The following BTBD2 variants were observed in gnomAD, a reference collection of about 807,000 sequenced individuals.
The protein encoded by BTBD2 is BTB domain containing 2.
Under a neutral mutation model 44.0 loss-of-function variants are expected in BTBD2, and 15 were observed. The observed-to-expected ratio is 0.34, with a 90% CI of 0.23 to 0.53. The LOEUF (loss-of-function observed/expected upper bound fraction) is 0.53. Ranked by LOEUF, BTBD2 falls within the 20% of genes least tolerant of loss-of-function variation. The pLI, the probability that BTBD2 is intolerant of heterozygous loss-of-function variation, is 0.95. For missense variants in BTBD2, 657 were observed against 746.4 expected, an observed-to-expected ratio of 0.88 and a Z score of 1.39; for synonymous variants, 443 against 335.9, an observed-to-expected ratio of 1.32 and a Z score of -3.49.
chr19:1,987,390 G>T (rs1354008651), intron 6 of BTBD2, 110 bp downstream of exon 6: 6 of 1,193,068 alleles, frequency 5.0e-6, no homozygotes, highest in Non-Finnish European at 5.4e-6. Flanking sequence ...CCCCCCCGCC[G>T]TCTTCATCAT....
At chr19:1,988,026 G>A in intron 5 of BTBD2, 1 of 283,370 alleles carries the variant, frequency 3.5e-6, no homozygotes, top group Non-Finnish European at 6.7e-6. Flanking sequence ...TGGGGGCGGG[G>A]GGCTCCACTG....
intron 1 of BTBD2, among the ~76,000 whole-genome samples, chr19:2,009,511 T>C (rs62129529): frequency 0.47 from 71,336 of 150,976 alleles, 18,027 homozygotes; most frequent in East Asian, 0.7. Flanking sequence ...TTGTTCTACT[T>C]CTAGACCTCG....
At chr19:2,001,754 T>C (rs2016333130) in intron 1 of BTBD2, among the ~76,000 whole-genome samples, 1 of 152,236 alleles carries the variant, frequency 6.6e-6, no homozygotes, top group Non-Finnish European at 1.5e-5. Context: ...TTTTTGTGTT[T>C]TGAGACGGAG....
chr19:1,987,378 G>A (rs533473022), intron 6 of BTBD2, 122 bp downstream of exon 6: 23 of 1,338,434 alleles, frequency 1.7e-5, no homozygotes, highest in South Asian at 8.3e-5. Context: ...CATGCCCGGC[G>A]GCCCCCCCGC....
At chr19:2,012,625 C>T (rs1308620520) in intron 1 of BTBD2, among the ~76,000 whole-genome samples, 3 of 152,162 alleles carry the variant, frequency 2.0e-5, no homozygotes. Flanking sequence ...GGGGTCCACG[C>T]CCCTAACCCC....
rs757225193 is a variant in BTBD2 at position 1,990,054 on chromosome 19, G to A, written c.938C>T (p.Ala313Val). The change falls in exon 5 of 9, where the codon GCC (alanine) becomes GTC (valine). Residue 313 changes from alanine (A) to valine (V), a missense_variant. Ala to Val is a moderately conservative substitution (Grantham distance 64). Coordinates refer to ENST00000255608, the MANE Select transcript of BTBD2 (RefSeq NM_017797.4). ...PENRRKVLGK[A>V]LGLIRFPLMT... Reference sequence around the variant, plus strand: ...GAGCGGGAAGCGAATGAGGCCCAGGGCCTTGCCCAGAACCTTCCGCCTGTT... The same window carrying A: ...GAGCGGGAAGCGAATGAGGCCCAGGACCTTGCCCAGAACCTTCCGCCTGTT... 9.9e-6 allele frequency: 16 copies of A among 1,613,330 alleles called. No homozygotes were observed. Among genetic ancestry groups the A allele is most frequent in the Middle Eastern group, 3.3e-4 (2 of 6,062 alleles).
At chr19:1,990,225 C>T (rs764872740) in intron 4 of BTBD2, 24 bp from the exon 5 acceptor site, 51 of 1,568,748 alleles carry the variant, frequency 3.3e-5, no homozygotes, top group African/African-American at 1.4e-4. Context: ...GAAGGGGCTG[C>T]GTGAACACGA....
intron 1 of BTBD2, 54 bp downstream of exon 1, chr19:2,015,243 C>A: frequency 2.2e-6 from 3 of 1,342,192 alleles, no homozygotes; most frequent in Non-Finnish European, 2.9e-6. Context: ...GTGCAGGGCC[C>A]GGGCAGCAGG....
chr19:1,991,475 G>A (rs1439615347), intron 3 of BTBD2, among the ~76,000 whole-genome samples: 2 of 152,214 alleles, frequency 1.3e-5, no homozygotes, highest in Non-Finnish European at 1.5e-5. Context: ...CAGGGAGGCT[G>A]AGGCAGCCAC....
chr19:2,009,807 GCCA>G, intron 1 of BTBD2, among the ~76,000 whole-genome samples: 1 of 152,050 alleles, frequency 6.6e-6, no homozygotes, highest in East Asian at 1.9e-4. Context: ...CGGAGATCAC[GCCA>G]CTGTACCCCA....
At chr19:2,004,852 T>C (rs2016374971) in intron 1 of BTBD2, among the ~76,000 whole-genome samples, 1 of 151,812 alleles carries the variant, frequency 6.6e-6, no homozygotes, top group South Asian at 2.1e-4. Flanking sequence ...GATGGAGTCT[T>C]GCTCTGTCAC....
intron 2 of BTBD2, among the ~76,000 whole-genome samples, chr19:1,994,669 G>C (rs1351068330): frequency 6.6e-6 from 1 of 151,950 alleles, no homozygotes; most frequent in Non-Finnish European, 1.5e-5. Context: ...TGATGCAGGA[G>C]AATCACTTGA....
At chr19:2,009,194 G>GTTTTTCTTTT (rs1213549687) in intron 1 of BTBD2, among the ~76,000 whole-genome samples, 1 of 106,682 alleles carries the variant, frequency 9.4e-6, no homozygotes, top group Non-Finnish European at 1.8e-5. Context: ...AATTTTTGTG[G>GTTTTTCTTTT]TTTTTCTTTT....
At chr19:1,992,752 A>G (rs1309671671) in intron 3 of BTBD2, among the ~76,000 whole-genome samples, 2 of 151,418 alleles carry the variant, frequency 1.3e-5, no homozygotes, top group East Asian at 2.0e-4. Context: ...TTGTGTTTTT[A>G]GTAGAGATAG....
At chr19:1,999,041 G>T (rs985541641) in intron 1 of BTBD2, among the ~76,000 whole-genome samples, 1 of 152,108 alleles carries the variant, frequency 6.6e-6, no homozygotes, top group African/African-American at 2.4e-5. Flanking sequence ...CTGCACAGCT[G>T]AACCTCCAGG....
intron 4 of BTBD2, 44 bp from the exon 5 acceptor site, chr19:1,990,245 G>A (rs1174909946): frequency 2.6e-6 from 4 of 1,545,920 alleles, no homozygotes; most frequent in Non-Finnish European, 3.5e-6. Context: ...ACACCCACAT[G>A]CCCACCCTGC....
At chr19:2,005,154 T>C (rs1441345096) in intron 1 of BTBD2, among the ~76,000 whole-genome samples, 1 of 152,104 alleles carries the variant, frequency 6.6e-6, no homozygotes, top group South Asian at 2.1e-4. Flanking sequence ...CCATGGAATC[T>C]GTGAACCGCG....
chr19:2,008,748 T>C (rs1170477094), intron 1 of BTBD2, among the ~76,000 whole-genome samples: 3 of 151,734 alleles, frequency 2.0e-5, no homozygotes, highest in Non-Finnish European at 4.4e-5. Context: ...CACACCACCA[T>C]GTCCAAGTAA....
chr19:2,013,637 C>T (rs1221872785), intron 1 of BTBD2: 2 of 985,330 alleles, frequency 2.0e-6, no homozygotes, highest in Admixed American at 6.2e-5. Context: ...CCAGGGGTCT[C>T]TGGCTGAGGT....
Sources: gnomAD v4.1 joint callset for allele counts (sites outside exome capture counted in the v4.1 genomes callset) on GRCh38, gnomAD v4.1.1 for gene constraint, MANE v1.5 for transcripts, NCBI Gene and HGNC (gene_info 2026-07-23, HGNC 2026-07-21) for gene names.